Variants in SLC66A2 observed in about 807,000 individuals in gnomAD.
SLC66A2 encodes the protein PQ loop repeat containing 1.
Under a neutral mutation model 25.5 loss-of-function variants are expected in SLC66A2, and 23 were observed. That is an observed-to-expected ratio of 0.90 (90% CI 0.65 to 1.28). SLC66A2 has a LOEUF of 1.28. Ranked by LOEUF, SLC66A2 falls within the 50% of genes most tolerant of loss-of-function variation. The pLI is 0.00. For synonymous variants in SLC66A2, 193 were observed against 166.5 expected (o/e 1.16, Z -1.23); for missense variants, 396 against 373.1 (o/e 1.06, Z -0.51).
chr18:79,946,078 G>A (rs1398876911), intron 2 of SLC66A2, among the ~76,000 whole-genome samples: 1 of 152,234 alleles, frequency 6.6e-6, no homozygotes, highest in Non-Finnish European at 1.5e-5. Flanking sequence ...TGAATGACGA[G>A]ACGGAGGAGG....
chr18:79,934,662 C>T (rs1986903863), intron 3 of SLC66A2, among the ~76,000 whole-genome samples: 1 of 152,214 alleles, frequency 6.6e-6, no homozygotes, highest in African/African-American at 2.4e-5. Flanking sequence ...GACAAGACAG[C>T]AGCCAAGGTC....
chr18:79,928,091 G>A (rs1024548835), intron 4 of SLC66A2, among the ~76,000 whole-genome samples: 12 of 152,322 alleles, frequency 7.9e-5, no homozygotes, highest in East Asian at 3.9e-4. Context: ...GGCTGTCACC[G>A]CGGCCAAGGG....
chr18:79,918,420 C>CGGGGG lies in SLC66A2; in HGVS notation c.608+759_608+763dup, dbSNP rs141086964. Reference sequence around the variant, plus strand: ...GCGGATCCCCAGTGAGGAGCGGGCCCGGGGGGGGGTCCCCAGTGAGGAGCG... The same window carrying CGGGGG: ...GCGGATCCCCAGTGAGGAGCGGGCCCGGGGGGGGGGGGGGTCCCCAGTGAGGAGCG... On this transcript the variant is annotated intron_variant, in intron 5 of 5. Coordinates refer to ENST00000397778, the MANE Select transcript of SLC66A2 (RefSeq NM_025078.5). This position sits in a 1 kb window ranked among gnomAD's most constrained non-coding sequence, Gnocchi z 4.0. 9.2e-5 allele frequency among the ~76,000 whole-genome samples: 10 copies of CGGGGG among 109,054 alleles called. No homozygotes were observed. The highest frequency in any genetic ancestry group is 1.8e-4 in the Admixed American group (2 of 11,424). The allele number at this position is 109,054 out of a possible 152,430, so 71.5% of individuals were successfully genotyped here. A position where few individuals can be genotyped will look rare whatever the true frequency, so the allele number is the denominator to read the frequency against.
Position 79,937,506 on chromosome 18 carries a change from C to T in SLC66A2, c.338-3484G>A, listed in dbSNP as rs546993222. ...AAAACTGGTAAAGAGACCCGCATTT[C>T]CTTTATAAATTACACCTGTGGATAG... On this transcript the variant is annotated intron_variant, in intron 3 of 5. Transcript: ENST00000397778. The surrounding 1 kb of genome is among the most constrained non-coding windows in gnomAD (Gnocchi z 5.4). Among the ~76,000 whole-genome samples, 2 of 152,322 alleles carry T rather than the reference C, an allele frequency of 1.3e-5. No homozygotes were observed. Among genetic ancestry groups the T allele is most frequent in the South Asian group, 2.1e-4 (1 of 4,830 alleles).
At chr18:79,925,518 G>T (rs1489323734) in intron 4 of SLC66A2, among the ~76,000 whole-genome samples, 2 of 152,212 alleles carry the variant, frequency 1.3e-5, no homozygotes, top group Non-Finnish European at 1.5e-5. Context: ...GCCCACCCTG[G>T]CATGCACTGA....
At chr18:79,930,500 TAAA>T (rs1241063213) in intron 4 of SLC66A2, among the ~76,000 whole-genome samples, 1 of 151,972 alleles carries the variant, frequency 6.6e-6, no homozygotes, top group African/African-American at 2.4e-5. Flanking sequence ...CAAATCCACA[TAAA>T]AAAAGAGTAC....
chr18:79,950,232 G>A (rs556809483), intron 2 of SLC66A2, among the ~76,000 whole-genome samples: 12 of 152,138 alleles, frequency 7.9e-5, no homozygotes, highest in Admixed American at 5.9e-4. Context: ...GTGGTGGTGC[G>A]CCTGTGGTCC....
rs996069714 is a variant in SLC66A2, at chr18:79,940,608, C to T, written c.337+2721G>A. Among the ~76,000 whole-genome samples, 10 of 152,070 alleles carry T rather than the reference C, an allele frequency of 6.6e-5. No homozygotes were observed. The highest frequency in any genetic ancestry group is 1.2e-4 in the African/African-American group (5 of 41,400). ...CATGGGGCTGTGCTGCAGGAGCTAC[C>T]GATCGGGCGGCCAGAAGCCAGAGCT... On this transcript the variant is annotated intron_variant, in intron 3 of 5. Coordinates refer to ENST00000397778, the MANE Select transcript of SLC66A2 (RefSeq NM_025078.5). The surrounding 1 kb of genome is among the most constrained non-coding windows in gnomAD (Gnocchi z 4.1).
Position 79,903,812 on chromosome 18 carries a change from C to A in SLC66A2, c.*164G>T. On this transcript the variant is annotated 3_prime_UTR_variant, in exon 6 of 6. Coordinates refer to ENST00000397778, the MANE Select transcript of SLC66A2 (RefSeq NM_025078.5). ...ACAAACAGCGTCCCAGCCCCACCCC[C>A]ACTGCCCACCCTGAGACACCCCACA... 4 of 598,336 alleles carry A rather than the reference C, an allele frequency of 6.7e-6. No homozygotes were observed. Among genetic ancestry groups the A allele is most frequent in the Middle Eastern group, 4.5e-4 (1 of 2,238 alleles). The allele number at this position is 598,336 out of a possible 1,614,324, so 37.1% of individuals were successfully genotyped here. A position where few individuals can be genotyped will look rare whatever the true frequency, so the allele number is the denominator to read the frequency against.
chr18:79,941,095 A>G lies in SLC66A2; in HGVS notation c.337+2234T>C, dbSNP rs759942686. Reference sequence around the variant, plus strand: ...AGGTACCACAAACGTGGCAGCCACAATGCAGGCTGATTATCTTAATTCTGG... The same window carrying G: ...AGGTACCACAAACGTGGCAGCCACAGTGCAGGCTGATTATCTTAATTCTGG... On this transcript the variant is annotated intron_variant, in intron 3 of 5. Transcript: ENST00000397778. The surrounding 1 kb of genome is among the most constrained non-coding windows in gnomAD (Gnocchi z 4.1). Among the ~76,000 whole-genome samples, 5 of 152,202 alleles carry G rather than the reference A, an allele frequency of 3.3e-5. No individual in the cohort carries two copies. Among genetic ancestry groups the G allele is most frequent in the Non-Finnish European group, 5.9e-5 (4 of 68,028 alleles).
At chr18:79,939,000 G>T (rs1026030025) in intron 3 of SLC66A2, among the ~76,000 whole-genome samples, 5 of 152,182 alleles carry the variant, frequency 3.3e-5, no homozygotes, top group African/African-American at 1.2e-4. Flanking sequence ...TTTATATTCT[G>T]TCTTCCCCAA....
intron 5 of SLC66A2, among the ~76,000 whole-genome samples, chr18:79,911,706 C>T (rs918057492): frequency 1.1e-4 from 16 of 152,152 alleles, no homozygotes; most frequent in Admixed American, 3.3e-4. Flanking sequence ...CCCCACCCCC[C>T]TAGCTACATC....
intron 5 of SLC66A2, 47 bp downstream of exon 5, chr18:79,919,137 G>C: frequency 2.6e-6 from 4 of 1,516,528 alleles, no homozygotes; most frequent in Non-Finnish European, 3.7e-6. Flanking sequence ...GCAGCCATGT[G>C]GTGCCTCTGG....
intron 2 of SLC66A2, among the ~76,000 whole-genome samples, chr18:79,945,440 C>G (rs2050893997): frequency 1.3e-5 from 2 of 152,082 alleles, no homozygotes; most frequent in Admixed American, 1.3e-4. Flanking sequence ...GGACAGGGGC[C>G]AGGCAGGCAG....
intron 5 of SLC66A2, among the ~76,000 whole-genome samples, chr18:79,912,074 A>C: frequency 2.5e-5 from 1 of 39,310 alleles, no homozygotes; most frequent in Non-Finnish European, 5.8e-5. Flanking sequence ...GGATGGCAGC[A>C]GGGAGGGGAC....
At chr18:79,936,304 G>A (rs1987082238) in intron 3 of SLC66A2, among the ~76,000 whole-genome samples, 3 of 152,236 alleles carry the variant, frequency 2.0e-5, no homozygotes, top group Non-Finnish European at 4.4e-5. Context: ...GATTCCTAAT[G>A]TGACGTCCAA....
rs1981637542 is a variant in SLC66A2, at chr18:79,904,072, C to T, written c.720G>A (p.Val240=). ...FSVCGLLQVL[V]DLAILGQAYA... ...AGGCCTGCCCCAGGATGGCCAGGTC[C>T]ACCAGCACCTGCAGCAGGCCGCACA... The change falls in exon 6 of 6, where the codon GTG becomes GTA. Residue 240 remains valine, a synonymous_variant. Transcript: ENST00000397778. This position sits in a 1 kb window ranked among gnomAD's most constrained non-coding sequence, Gnocchi z 6.3. 6.2e-7 allele frequency: 1 copy of T among 1,612,264 alleles called. No individual in the cohort carries two copies. The highest frequency in any genetic ancestry group is 8.5e-7 in the Non-Finnish European group (1 of 1,179,542).
intron 5 of SLC66A2, among the ~76,000 whole-genome samples, chr18:79,916,305 G>A (rs12455593): frequency 0.47 from 49,832 of 106,058 alleles, 13,195 homozygotes; most frequent in East Asian, 0.67. Flanking sequence ...TGGTGCTCCC[G>A]TACCCGTGGT....
intron 4 of SLC66A2, among the ~76,000 whole-genome samples, chr18:79,928,244 A>T (rs1986203552): frequency 6.6e-6 from 1 of 152,248 alleles, no homozygotes; most frequent in Non-Finnish European, 1.5e-5. Context: ...TTAAAATGAA[A>T]GTTTTGGGCT....
Sources: gnomAD v4.1 joint callset for allele counts (sites outside exome capture counted in the v4.1 genomes callset) on GRCh38, gnomAD v4.1.1 for gene constraint, Gnocchi (gnomAD v3.1) non-coding constraint, MANE v1.5 for transcripts, NCBI Gene and HGNC (gene_info 2026-07-23, HGNC 2026-07-21) for gene names.